CNTNAP2: variants seen among roughly 807,000 people sequenced by gnomAD.
The protein encoded by CNTNAP2 is contactin associated protein 2, also known as contactin-associated protein-like 2.
In CNTNAP2, 98 loss-of-function variants were observed where a neutral mutation model predicts 155.2. The ratio of observed to expected loss-of-function variants is 0.63; its 90% CI spans 0.54 to 0.75. The LOEUF is 0.75. Ranked by LOEUF, CNTNAP2 falls within the 30% of genes least tolerant of loss-of-function variation. CNTNAP2 has a pLI of 0.00. For missense variants in CNTNAP2, 1,727 were observed against 1,688.1 expected, an observed-to-expected ratio of 1.02 and a Z score of -0.40; for synonymous variants, 651 against 631.2, an observed-to-expected ratio of 1.03 and a Z score of -0.47.
At chr7:146,886,263 G>A (rs1389540261) in intron 3 of CNTNAP2, among the ~76,000 whole-genome samples, 3 of 125,448 alleles carry the variant, frequency 2.4e-5, no homozygotes, top group African/African-American at 6.7e-5. Context: ...TCAATTTTTT[G>A]TTCAGTTTTC....
At chr7:146,510,164 C>T (rs1321458071) in intron 1 of CNTNAP2, among the ~76,000 whole-genome samples, 1 of 152,206 alleles carries the variant, frequency 6.6e-6, no homozygotes, top group East Asian at 1.9e-4. Flanking sequence ...TATTCTCTCC[C>T]CCTCCTACAG....
At chr7:147,159,280 A>G (rs1801982803) in intron 8 of CNTNAP2, among the ~76,000 whole-genome samples, 1 of 152,138 alleles carries the variant, frequency 6.6e-6, no homozygotes, top group Admixed American at 6.6e-5. Flanking sequence ...AGGTAAGAGA[A>G]TCATATGATC....
chr7:146,235,952 A>ATGTGTGTG (rs34046295), intron 1 of CNTNAP2, among the ~76,000 whole-genome samples: 16 of 149,510 alleles, frequency 1.1e-4, no homozygotes, highest in African/African-American at 3.5e-4. Context: ...ACATATGGAA[A>ATGTGTGTG]TGTGTGTGTG....
chr7:146,614,482 A>G (rs1244010148), intron 1 of CNTNAP2, among the ~76,000 whole-genome samples: 2 of 152,182 alleles, frequency 1.3e-5, no homozygotes, highest in African/African-American at 2.4e-5. Flanking sequence ...AAAGCCAAAT[A>G]CAGAGAATAT....
intron 13 of CNTNAP2, among the ~76,000 whole-genome samples, chr7:147,665,754 G>A (rs1291996189): frequency 5.3e-5 from 8 of 152,148 alleles, no homozygotes; most frequent in Admixed American, 4.6e-4. Context: ...AGTTTGCTAA[G>A]AATAATGGCC....
At position 148,378,126 on chromosome 7, in the gene CNTNAP2, G is replaced by T. The variant is rs1798989971; in HGVS notation, c.3476-5523G>T. Among the ~76,000 whole-genome samples, 2 of 68,294 alleles carry T rather than the reference G, an allele frequency of 2.9e-5. 1 individual carries two copies. Among genetic ancestry groups the T allele is most frequent in the African/African-American group, 7.2e-5 (2 of 27,826 alleles). The allele number at this position is 68,294 out of a possible 152,430, so 44.8% of individuals were successfully genotyped here. ...TCCTACAGTCACTGGTGATTACTTT[G>T]TCCAAGGCATTATTTTGGGGGAACA... On this transcript the variant is annotated intron_variant, in intron 21 of 23. Transcript: ENST00000361727.
At chr7:148,396,568 C>T (rs1799472483) in intron 22 of CNTNAP2, among the ~76,000 whole-genome samples, 1 of 152,062 alleles carries the variant, frequency 6.6e-6, no homozygotes, top group Non-Finnish European at 1.5e-5. Flanking sequence ...CCAATCAGCA[C>T]CTCATGTCCT....
intron 1 of CNTNAP2, among the ~76,000 whole-genome samples, chr7:146,587,033 AT>A (rs34866879): frequency 0.34 from 49,793 of 148,262 alleles, 8,209 homozygotes; most frequent in East Asian, 0.49. Context: ...GCATTGTTTT[AT>A]TTTTTTTTTT....
intron 13 of CNTNAP2, among the ~76,000 whole-genome samples, chr7:147,782,118 C>G (rs1255494081): frequency 6.6e-6 from 1 of 151,762 alleles, no homozygotes; most frequent in African/African-American, 2.4e-5. Flanking sequence ...CAGTGCGTGT[C>G]TAATACCCAA....
At chr7:147,461,209 A>C (rs982496856) in intron 10 of CNTNAP2, among the ~76,000 whole-genome samples, 4 of 152,212 alleles carry the variant, frequency 2.6e-5, no homozygotes, top group African/African-American at 9.7e-5. Context: ...TACATAACAA[A>C]ATATTTGCCA....
intron 8 of CNTNAP2, among the ~76,000 whole-genome samples, chr7:147,235,541 C>A (rs1014451202): frequency 6.6e-6 from 1 of 152,084 alleles, no homozygotes; most frequent in Non-Finnish European, 1.5e-5. Context: ...AATGCCTTCT[C>A]CTAATCAGAT....
At chr7:147,183,907 A>G (rs1477215604) in intron 8 of CNTNAP2, among the ~76,000 whole-genome samples, 2 of 152,202 alleles carry the variant, frequency 1.3e-5, no homozygotes, top group Non-Finnish European at 1.5e-5. Context: ...TTATTTCTGT[A>G]TCAAGCTAAA....
At chr7:147,012,541 AT>A (rs1264448585) in intron 3 of CNTNAP2, among the ~76,000 whole-genome samples, 1 of 152,174 alleles carries the variant, frequency 6.6e-6, no homozygotes, top group East Asian at 1.9e-4. Context: ...TTGAACCTAA[AT>A]AGTAGTTCTA....
chr7:147,256,091 A>G (rs1481008189), intron 8 of CNTNAP2, among the ~76,000 whole-genome samples: 1 of 152,148 alleles, frequency 6.6e-6, no homozygotes, highest in East Asian at 1.9e-4. Flanking sequence ...GAAAACTAAG[A>G]CGATATACTT....
chr7:146,719,415 T>A (rs929449126), intron 1 of CNTNAP2, among the ~76,000 whole-genome samples: 6 of 152,202 alleles, frequency 3.9e-5, no homozygotes, highest in Admixed American at 3.9e-4. Context: ...TAGGAGACAA[T>A]GTTTTGCCTA....
At chr7:146,314,043 C>T (rs1800869626) in intron 1 of CNTNAP2, among the ~76,000 whole-genome samples, 1 of 152,062 alleles carries the variant, frequency 6.6e-6, no homozygotes, top group African/African-American at 2.4e-5. Context: ...ATTTGTATTT[C>T]TAGTGATATG....
intron 23 of CNTNAP2, 77 bp downstream of exon 23, chr7:148,409,548 TA>T: frequency 7.4e-7 from 1 of 1,343,488 alleles, no homozygotes; most frequent in South Asian, 1.2e-5. Context: ...CATAGTAGTC[TA>T]GGAAAAAAAG....
At chr7:146,432,230 G>A (rs529120347) in intron 1 of CNTNAP2, among the ~76,000 whole-genome samples, 10 of 152,124 alleles carry the variant, frequency 6.6e-5, no homozygotes, top group African/African-American at 2.4e-4. Context: ...GGAATGATGT[G>A]TTTCCTGTTA....
chr7:147,409,521 A>G (rs1797066697), intron 10 of CNTNAP2, among the ~76,000 whole-genome samples: 1 of 152,218 alleles, frequency 6.6e-6, no homozygotes. Context: ...ACACAAAAGC[A>G]ATTGCAACAC....
Sources: allele counts gnomAD v4.1 joint callset (sites outside exome capture counted in the v4.1 genomes callset), GRCh38; gene constraint gnomAD v4.1.1; transcripts MANE v1.5; gene names NCBI Gene and HGNC (gene_info 2026-07-23, HGNC 2026-07-21).